Variants in ASAP2 observed in about 807,000 individuals in gnomAD.
ASAP2 encodes the protein arf-GAP with SH3 domain, ANK repeat and PH domain-containing protein 2.
ASAP2 carries 45 observed loss-of-function variants against 131.4 expected under a neutral mutation model. That is an observed-to-expected ratio of 0.34 (90% CI 0.27 to 0.44). ASAP2 has a LOEUF of 0.44. Ranked by LOEUF, ASAP2 falls within the 20% of genes least tolerant of loss-of-function variation. The pLI, the probability that ASAP2 is intolerant of heterozygous loss-of-function variation, is 1.00. For missense variants in ASAP2, 1,011 were observed against 1,297.0 expected (o/e 0.78, Z 3.39); for synonymous variants, 510 against 503.0 (o/e 1.01, Z -0.19).
chr2:9,324,905 A>C (rs1670383671), intron 6 of ASAP2, among the ~76,000 whole-genome samples: 1 of 152,204 alleles, frequency 6.6e-6, no homozygotes, highest in African/African-American at 2.4e-5. Context: ...TGTTTAATCC[A>C]TTAACGTTGA....
rs542504915 is a variant in ASAP2 at position 9,389,231 on chromosome 2, C to T, written c.2383+685C>T. On this transcript the variant is annotated intron_variant, in intron 22 of 27. Transcript: ENST00000281419. The surrounding 1 kb of genome is among the most constrained non-coding windows in gnomAD (Gnocchi z 4.7). ...CGGTGCTTCTTGAAGGCAGGTCCGG[C>T]GAGTGACCCACTCAGCTCTGGGCTG... 6.6e-6 allele frequency among the ~76,000 whole-genome samples: 1 copy of T among 152,338 alleles called. No individual in the cohort carries two copies.
chr2:9,368,447 C>T lies in ASAP2; in HGVS notation c.1484C>T (p.Ala495Val). The change falls in exon 16 of 28, where the codon GCA becomes GTA. Residue 495 changes from alanine to valine, a missense_variant. This residue lies in a region of ASAP2 where 652 missense variants were observed against 698.9 expected (regional missense o/e 0.93). Coordinates refer to ENST00000281419, the MANE Select transcript of ASAP2 (RefSeq NM_003887.3). ...ELLLAKNIGN[A>V]GFNEIMECCL... ...CAGCTCGCCAAGAATATTGGGAATG[C>T]AGGCTTTAATGAGATCATGGAATGT... The T allele has an allele frequency of 1.2e-6, 2 of 1,614,070 alleles. No individual in the cohort carries two copies. Among genetic ancestry groups the T allele is most frequent in the Non-Finnish European group, 8.5e-7 (1 of 1,179,998 alleles).
intron 1 of ASAP2, among the ~76,000 whole-genome samples, chr2:9,253,425 A>G (rs1664864856): frequency 1.1e-5 from 1 of 92,858 alleles, no homozygotes; most frequent in Non-Finnish European, 2.4e-5. Flanking sequence ...TGGCTTCCCA[A>G]AGTGCTAGGA....
At chr2:9,320,227 A>C (rs907406207) in intron 4 of ASAP2, 61 bp from the exon 5 acceptor site, 10 of 1,402,196 alleles carry the variant, frequency 7.1e-6, no homozygotes, top group Non-Finnish European at 9.1e-6. Flanking sequence ...GGGATAAGTA[A>C]GTTTATCTTG....
intron 9 of ASAP2, among the ~76,000 whole-genome samples, chr2:9,341,986 G>A (rs142116939): frequency 6.6e-6 from 1 of 152,274 alleles, no homozygotes; most frequent in East Asian, 1.9e-4. Context: ...GATTGCTCAC[G>A]TGGAGTTTTT....
chr2:9,356,392 C>T, intron 14 of ASAP2, 47 bp downstream of exon 14: 1 of 1,500,630 alleles, frequency 6.7e-7, no homozygotes, highest in Non-Finnish European at 8.9e-7. Flanking sequence ...ACATTTCAAT[C>T]CCATTCTGAT....
At chr2:9,310,381 C>G (rs1669222432) in intron 3 of ASAP2, among the ~76,000 whole-genome samples, 1 of 152,120 alleles carries the variant, frequency 6.6e-6, no homozygotes, top group African/African-American at 2.4e-5. Flanking sequence ...GCTGATTATC[C>G]TCGAAGAGAG....
rs116788871 is a variant in ASAP2 at position 9,313,082 on chromosome 2, A to C, written c.346-5442A>C. 6.7e-3 allele frequency among the ~76,000 whole-genome samples: 1,025 copies of C among 152,214 alleles called. 15 individuals are homozygous for C. Among genetic ancestry groups the C allele is most frequent in the African/African-American group, 0.024 (984 of 41,534 alleles). On this transcript the variant is annotated intron_variant, in intron 3 of 27. Transcript: ENST00000281419. ...TTAAAAAATAAAAAAAAAAGCTGCAATTGGTTGTTGAGTGTCTCATTGCCC... is the reference window on the plus strand; with the variant it reads ...TTAAAAAATAAAAAAAAAAGCTGCACTTGGTTGTTGAGTGTCTCATTGCCC...
At chr2:9,286,437 G>GA (rs556978805) in intron 2 of ASAP2, among the ~76,000 whole-genome samples, 53 of 128,918 alleles carry the variant, frequency 4.1e-4, no homozygotes, top group Middle Eastern at 7.7e-3. Flanking sequence ...TTTAAAAAAG[G>GA]AAAAAAAAAA....
At chr2:9,283,201 C>G (rs901610523) in intron 2 of ASAP2, among the ~76,000 whole-genome samples, 1 of 152,170 alleles carries the variant, frequency 6.6e-6, no homozygotes, top group Non-Finnish European at 1.5e-5. Flanking sequence ...CCTCAGCCTC[C>G]CAAGTAGCTG....
chr2:9,394,355 G>A (rs573477438), intron 24 of ASAP2, among the ~76,000 whole-genome samples: 19 of 152,032 alleles, frequency 1.2e-4, no homozygotes, highest in African/African-American at 2.9e-4. Flanking sequence ...TAGTAGAGAC[G>A]AGGTTTCGCC....
At chr2:9,354,657 A>G (rs1180491158) in intron 12 of ASAP2, among the ~76,000 whole-genome samples, 1 of 151,934 alleles carries the variant, frequency 6.6e-6, no homozygotes, top group African/African-American at 2.4e-5. Flanking sequence ...AAAAAAAAAA[A>G]AAAAGAAAAA....
intron 1 of ASAP2, among the ~76,000 whole-genome samples, chr2:9,209,209 G>A (rs1558235117): frequency 6.6e-6 from 1 of 152,124 alleles, no homozygotes; most frequent in Non-Finnish European, 1.5e-5. Context: ...AATCATTTCA[G>A]GTTTATTTCA....
chr2:9,312,914 C>A (rs540549435), intron 3 of ASAP2, among the ~76,000 whole-genome samples: 1 of 152,152 alleles, frequency 6.6e-6, no homozygotes, highest in Non-Finnish European at 1.5e-5. Flanking sequence ...ATTAGCTGGG[C>A]ATGGCATGGT....
At chr2:9,341,244 A>G (rs1305027904) in intron 9 of ASAP2, among the ~76,000 whole-genome samples, 6 of 152,214 alleles carry the variant, frequency 3.9e-5, no homozygotes, top group Non-Finnish European at 8.8e-5. Context: ...GGCGTTTTGT[A>G]CAGGCTAACA....
At position 9,361,976 on chromosome 2, in the gene ASAP2, T is replaced by C. The variant is rs577175992; in HGVS notation, c.1461+3087T>C. ...TCTTTATCTTATCTCTTTCTCTGCG[T>C]GTGTGTGTGTGTGTGTGTGTGTGTG... is the stretch of plus-strand genomic sequence containing the variant. On this transcript the variant is annotated intron_variant, in intron 15 of 27. Coordinates refer to ENST00000281419, the MANE Select transcript of ASAP2 (RefSeq NM_003887.3). Among the ~76,000 whole-genome samples the C allele has an allele frequency of 4.4e-5, 5 of 113,892 alleles. No homozygotes were observed. In the East Asian group the frequency reaches 1.1e-3, roughly 26 times the overall value. 74.7% of individuals were successfully genotyped at this position (113,892 alleles called of 152,430 possible).
At chr2:9,265,696 C>A (rs975969750) in intron 1 of ASAP2, among the ~76,000 whole-genome samples, 2 of 151,558 alleles carry the variant, frequency 1.3e-5, no homozygotes, top group African/African-American at 2.4e-5. Flanking sequence ...GTATTTTTTT[C>A]TTTGCTTTTA....
intron 24 of ASAP2, among the ~76,000 whole-genome samples, chr2:9,396,424 C>T (rs1215100437): frequency 6.6e-6 from 1 of 152,010 alleles, no homozygotes; most frequent in Non-Finnish European, 1.5e-5. Context: ...CAGGCACGCA[C>T]CACCATGCCC....
rs537959505 is a variant in ASAP2, at chr2:9,222,040, G to A, written c.126+14810G>A. Among the ~76,000 whole-genome samples, 729 of 151,930 alleles carry A rather than the reference G, an allele frequency of 4.8e-3. 5 individuals are homozygous for A. Among genetic ancestry groups the A allele is most frequent in the Middle Eastern group, 0.01 (3 of 294 alleles). ...CCTGATCTCGTGATCTGCCCGCCTCGGCCTCCCAAAGTGCTGGGATTAGAG... is the reference window on the plus strand; with the variant it reads ...CCTGATCTCGTGATCTGCCCGCCTCAGCCTCCCAAAGTGCTGGGATTAGAG... On this transcript the variant is annotated intron_variant, in intron 1 of 27. Coordinates refer to ENST00000281419, the MANE Select transcript of ASAP2 (RefSeq NM_003887.3).
Sources: allele counts gnomAD v4.1 joint callset (sites outside exome capture counted in the v4.1 genomes callset), GRCh38; gene constraint gnomAD v4.1.1; regional missense constraint gnomAD v4.1.1; non-coding constraint Gnocchi (gnomAD v3.1); transcripts MANE v1.5; gene names NCBI Gene and HGNC (gene_info 2026-07-23, HGNC 2026-07-21).